PTPRJ: variants seen among roughly 807,000 people sequenced by gnomAD.
The protein encoded by PTPRJ is receptor-type tyrosine-protein phosphatase eta.
PTPRJ carries 129 observed loss-of-function variants against 141.3 expected under a neutral mutation model. The observed-to-expected ratio is 0.91, with a 90% CI of 0.79 to 1.06. The LOEUF (loss-of-function observed/expected upper bound fraction) is 1.06, where lower values mean the gene tolerates loss of function less well. Among genes scored for constraint, PTPRJ ranks in the 50% least tolerant of loss-of-function variants. The probability of loss-of-function intolerance (pLI) is 0.00; values close to 1 mark genes in which losing one functional copy is unlikely to be tolerated. For synonymous variants in PTPRJ, 610 were observed against 640.5 expected, an observed-to-expected ratio of 0.95 and a Z score of 0.72; for missense variants, 1,601 against 1,679.7, an observed-to-expected ratio of 0.95 and a Z score of 0.82.
chr11:48,065,719 C>A (rs2134265878), intron 1 of PTPRJ, among the ~76,000 whole-genome samples: 1 of 152,316 alleles, frequency 6.6e-6, no homozygotes, highest in South Asian at 2.1e-4. Context: ...GAATGTTATA[C>A]ACATTACCTT....
At chr11:48,022,988 T>G (rs1853694559) in intron 1 of PTPRJ, among the ~76,000 whole-genome samples, 1 of 151,976 alleles carries the variant, frequency 6.6e-6, no homozygotes, top group Admixed American at 6.6e-5. Context: ...GGACTCAATA[T>G]AGGGTGGGAT....
intron 1 of PTPRJ, among the ~76,000 whole-genome samples, chr11:47,981,296 G>A (rs1165914532): frequency 1.3e-5 from 2 of 152,140 alleles, no homozygotes; most frequent in East Asian, 1.9e-4. Context: ...TCCCTGGCCC[G>A]GCTCTTCCCG....
chr11:48,126,775 A>AAC (rs10599361), intron 6 of PTPRJ, among the ~76,000 whole-genome samples: 17,333 of 136,980 alleles, frequency 0.13, 1,056 homozygotes, highest in Middle Eastern at 0.16. Flanking sequence ...AGTCTGTTGC[A>AAC]ACACACACAC....
At chr11:48,052,350 C>T (rs895667753) in intron 1 of PTPRJ, among the ~76,000 whole-genome samples, 2 of 152,220 alleles carry the variant, frequency 1.3e-5, no homozygotes, top group Admixed American at 1.3e-4. Flanking sequence ...CATTGCCTCT[C>T]CCTCGTTAAT....
intron 1 of PTPRJ, among the ~76,000 whole-genome samples, chr11:48,109,650 C>G (rs1218238505): frequency 6.7e-6 from 1 of 148,804 alleles, no homozygotes; most frequent in Non-Finnish European, 1.5e-5. Context: ...GCTTGGTATC[C>G]CCCCCACCCA....
At position 48,158,508 on chromosome 11, in the gene PTPRJ, A is replaced by G. The variant is rs1357315438; in HGVS notation, c.3439-1422A>G. 6.6e-6 allele frequency among the ~76,000 whole-genome samples: 1 copy of G among 152,234 alleles called. No homozygotes were observed. Among genetic ancestry groups the G allele is most frequent in the Non-Finnish European group, 1.5e-5 (1 of 68,050 alleles). The stretch of plus-strand genomic sequence containing the variant: ...ACTTGCCCACAAGGTAGGAACAAAA[A>G]TATACCTGGTAAGAGGCTGAGCTGG... On this transcript the variant is annotated intron_variant, in intron 21 of 24. Coordinates refer to ENST00000418331, the MANE Select transcript of PTPRJ (RefSeq NM_002843.4). This position sits in a 1 kb window ranked among gnomAD's most constrained non-coding sequence, Gnocchi z 4.4.
chr11:48,102,166 C>T (rs2134314268), intron 1 of PTPRJ, among the ~76,000 whole-genome samples: 1 of 152,308 alleles, frequency 6.6e-6, no homozygotes, highest in East Asian at 1.9e-4. Flanking sequence ...TACTGCCTCT[C>T]AGTCTTTCGC....
intron 1 of PTPRJ, among the ~76,000 whole-genome samples, chr11:48,059,503 G>A (rs1854860420): frequency 6.6e-6 from 1 of 152,196 alleles, no homozygotes; most frequent in Non-Finnish European, 1.5e-5. Flanking sequence ...ACAGGGGGAT[G>A]CTGGTCTGTT....
At chr11:48,147,111 A>C (rs948077835) in intron 15 of PTPRJ, 148 bp downstream of exon 15, 3 of 727,904 alleles carry the variant, frequency 4.1e-6, no homozygotes, top group Non-Finnish European at 7.1e-6. Context: ...GGCCAGTCCT[A>C]TTTCCTCTGC....
intron 1 of PTPRJ, among the ~76,000 whole-genome samples, chr11:48,018,796 G>T (rs1855020508): frequency 6.6e-6 from 1 of 152,118 alleles, no homozygotes; most frequent in Non-Finnish European, 1.5e-5. Flanking sequence ...TTTATTTCCT[G>T]CTTTGTTCTC....
chr11:48,162,339 C>T (rs1590572539), intron 22 of PTPRJ, among the ~76,000 whole-genome samples: 2 of 151,686 alleles, frequency 1.3e-5, no homozygotes, highest in Non-Finnish European at 2.9e-5. Context: ...CTTCCTCTCC[C>T]CCTCCTTCTC....
intron 1 of PTPRJ, among the ~76,000 whole-genome samples, chr11:48,029,058 A>G (rs528512504): frequency 1.1e-4 from 17 of 152,346 alleles, no homozygotes; most frequent in African/African-American, 4.1e-4. Flanking sequence ...GGTTTTGAGC[A>G]CAACATTGGC....
chr11:48,021,478 A>G (rs1264485304), intron 1 of PTPRJ, among the ~76,000 whole-genome samples: 4 of 152,108 alleles, frequency 2.6e-5, no homozygotes, highest in Non-Finnish European at 5.9e-5. Flanking sequence ...GCCATTTCTA[A>G]TAGATGTTAT....
intron 14 of PTPRJ, 31 bp from the exon 15 acceptor site, chr11:48,146,845 T>C: frequency 6.3e-7 from 1 of 1,592,086 alleles, no homozygotes; most frequent in Middle Eastern, 1.7e-4. Flanking sequence ...TGAACACCTC[T>C]TGAAGTGTCT....
chr11:48,081,964 C>T (rs986558188), intron 1 of PTPRJ, among the ~76,000 whole-genome samples: 2 of 152,138 alleles, frequency 1.3e-5, no homozygotes, highest in African/African-American at 4.8e-5. Flanking sequence ...TGGTGGCCCA[C>T]TAGAACAGAA....
chr11:47,991,006 C>T (rs1264063810), intron 1 of PTPRJ, among the ~76,000 whole-genome samples: 1 of 151,834 alleles, frequency 6.6e-6, no homozygotes, highest in Non-Finnish European at 1.5e-5. Flanking sequence ...AGGTGTGAGC[C>T]ACCGCGCCCG....
chr11:48,024,796 A>T (rs777290835), intron 1 of PTPRJ, among the ~76,000 whole-genome samples: 2 of 152,214 alleles, frequency 1.3e-5, no homozygotes, highest in Non-Finnish European at 2.9e-5. Context: ...CGCCAGGGCT[A>T]CCTGGAGTTT....
Position 48,123,686 on chromosome 11 carries a change from C to T in PTPRJ, c.690C>T (p.Gly230=), listed in dbSNP as rs1856763727. ...VRKAALSWSN[G]NGTASCRVLL... ...AGGCTGCTCTCTCCTGGAGCAATGG[C>T]AATGGCACTGCCTCCTGCCGGGTTC... Residue 230 remains glycine, a synonymous_variant, in exon 5 of 25, where the codon GGC becomes GGT. Transcript: ENST00000418331. 6.2e-7 allele frequency: 1 copy of T among 1,614,056 alleles called. No individual in the cohort carries two copies. Among genetic ancestry groups the T allele is most frequent in the Non-Finnish European group, 8.5e-7 (1 of 1,180,032 alleles).
chr11:48,034,826 A>G (rs1296001073), intron 1 of PTPRJ, among the ~76,000 whole-genome samples: 2 of 152,244 alleles, frequency 1.3e-5, no homozygotes, highest in East Asian at 1.9e-4. Flanking sequence ...CTGAAGAACA[A>G]TGGCGATGGC....
Sources: allele counts gnomAD v4.1 joint callset (sites outside exome capture counted in the v4.1 genomes callset), GRCh38; gene constraint gnomAD v4.1.1; non-coding constraint Gnocchi (gnomAD v3.1); transcripts MANE v1.5; gene names NCBI Gene and HGNC (gene_info 2026-07-23, HGNC 2026-07-21).